The following ARSB variants were observed in gnomAD, a reference collection of about 807,000 sequenced individuals.
The protein encoded by ARSB is N-acetylgalactosamine-4-sulfatase.
In ARSB, 41 loss-of-function variants were observed where a neutral mutation model predicts 50.9. The observed-to-expected ratio is 0.81, with a 90% CI of 0.63 to 1.04. ARSB has a LOEUF of 1.04. Ranked by LOEUF, ARSB falls within the 50% of genes least tolerant of loss-of-function variation. ARSB has a pLI of 0.00. For missense variants in ARSB, 672 were observed against 693.3 expected, an observed-to-expected ratio of 0.97 and a Z score of 0.35; for synonymous variants, 269 against 284.8, an observed-to-expected ratio of 0.94 and a Z score of 0.56.
intron 6 of ARSB, among the ~76,000 whole-genome samples, chr5:78,838,646 A>C (rs1382001648): frequency 6.6e-6 from 1 of 152,216 alleles, no homozygotes; most frequent in Non-Finnish European, 1.5e-5. Context: ...GAGCATTATG[A>C]TGAAAGCTGG....
In ARSB at chr5:78,982,173, T is replaced by C. The variant is rs1329301597; in HGVS notation, c.312+2764A>G. Among the ~76,000 whole-genome samples the C allele has an allele frequency of 1.4e-5, 2 of 144,940 alleles. 1 individual carries two copies. Among genetic ancestry groups the C allele is most frequent in the Non-Finnish European group, 3.0e-5 (2 of 65,922 alleles). Reference sequence around the variant, plus strand: ...CTCCTGACCTCATGATCCACCCGCCTCGGCCTCCCAAAGTGCTGGGATTAC... The same window carrying C: ...CTCCTGACCTCATGATCCACCCGCCCCGGCCTCCCAAAGTGCTGGGATTAC... On this transcript the variant is annotated intron_variant, in intron 1 of 7. Transcript: ENST00000264914.
At chr5:78,913,101 T>C (rs1011544195) in intron 4 of ARSB, among the ~76,000 whole-genome samples, 18 of 148,534 alleles carry the variant, frequency 1.2e-4, no homozygotes, top group African/African-American at 4.4e-4. Context: ...ACCAGGCTTT[T>C]AAAATGTAGT....
upstream of ARSB, chr5:78,985,764 A>C (rs1306726996): frequency 6.6e-6 from 1 of 152,260 alleles, no homozygotes; most frequent in Non-Finnish European, 1.5e-5. Context: ...CATTTCTAGC[A>C]CAAGAGCCCA....
At position 78,839,378 on chromosome 5, in the gene ARSB, C is replaced by T. The variant is rs25413; in HGVS notation, c.1191G>A (p.Pro397=). ...CACACGGTGAAGAGTCCACGAAGTT[C>T]GGGTCAATATTATGCAGCAGCTCAA... ...PRIELLHNID[P]NFVDSSPCPR... Residue 397 remains proline, a synonymous_variant, in exon 6 of 8, where the codon CCG becomes CCA. Coordinates refer to ENST00000264914, the MANE Select transcript of ARSB (RefSeq NM_000046.5). The T allele has an allele frequency of 0.19, 309,432 of 1,612,794 alleles. 35,452 individuals carry two copies. The highest frequency in any genetic ancestry group is 0.51 in the African/African-American group (38,114 of 74,872).
At chr5:78,977,108 T>C (rs976666098) in intron 1 of ARSB, among the ~76,000 whole-genome samples, 3 of 152,184 alleles carry the variant, frequency 2.0e-5, no homozygotes, top group African/African-American at 7.2e-5. Context: ...TCCACATGTA[T>C]TGTCATGCTA....
At chr5:78,829,007 TCCA>T (rs2112690922) in intron 6 of ARSB, among the ~76,000 whole-genome samples, 1 of 152,302 alleles carries the variant, frequency 6.6e-6, no homozygotes, top group South Asian at 2.1e-4. Flanking sequence ...GACCCAACCT[TCCA>T]TTGCTGGCTT....
In ARSB at chr5:78,839,346, T is replaced by C; in HGVS notation, c.1213+10A>G. The C allele has an allele frequency of 6.2e-7, 1 of 1,611,960 alleles. No homozygotes were observed. Among genetic ancestry groups the C allele is most frequent in the Non-Finnish European group, 8.5e-7 (1 of 1,178,176 alleles). On this transcript the variant is annotated intron_variant, in intron 6 of 7. Coordinates refer to ENST00000264914, the MANE Select transcript of ARSB (RefSeq NM_000046.5). ...TAGATTTAATCTAGTAGCAATGCAC[T>C]GGTACTCACACGGTGAAGAGTCCAC...
chr5:78,918,181 A>T (rs1749644921), intron 4 of ARSB, among the ~76,000 whole-genome samples: 1 of 152,244 alleles, frequency 6.6e-6, no homozygotes, highest in South Asian at 2.1e-4. Context: ...TCTGCACATT[A>T]GGGATTTCTG....
intron 6 of ARSB, among the ~76,000 whole-genome samples, chr5:78,822,745 C>A (rs1013072714): frequency 1.3e-5 from 2 of 152,178 alleles, no homozygotes; most frequent in Non-Finnish European, 2.9e-5. Flanking sequence ...TCACGCCATT[C>A]TCCTGCCTCA....
At chr5:78,783,321 G>A (rs984122762) in intron 6 of ARSB, 1 of 152,034 alleles carries the variant, frequency 6.6e-6, no homozygotes, top group Non-Finnish European at 1.5e-5. Flanking sequence ...CCTCACCCAA[G>A]CAGGACTTCT....
chr5:78,786,614 T>A (rs1045227674), intron 6 of ARSB, among the ~76,000 whole-genome samples: 2 of 152,168 alleles, frequency 1.3e-5, no homozygotes, highest in Admixed American at 6.5e-5. Flanking sequence ...GTGTTCTGTA[T>A]TACATTCTCA....
intron 6 of ARSB, among the ~76,000 whole-genome samples, chr5:78,824,995 G>T (rs1744374332): frequency 2.6e-5 from 4 of 152,134 alleles, no homozygotes; most frequent in Admixed American, 1.3e-4. Flanking sequence ...ACAGCCTATG[G>T]GTAATAATAA....
chr5:78,940,848 G>A (rs912063396), intron 4 of ARSB, among the ~76,000 whole-genome samples: 21 of 152,222 alleles, frequency 1.4e-4, no homozygotes, highest in African/African-American at 4.8e-4. Context: ...GATGGGGATG[G>A]CATTGAATCT....
At chr5:78,819,845 G>A (rs1324299411) in intron 6 of ARSB, among the ~76,000 whole-genome samples, 2 of 152,238 alleles carry the variant, frequency 1.3e-5, no homozygotes, top group African/African-American at 4.8e-5. Context: ...GCACAGAAGG[G>A]CCAAGTCAGC....
At chr5:78,954,247 A>G (rs918461544) in intron 4 of ARSB, among the ~76,000 whole-genome samples, 1 of 152,170 alleles carries the variant, frequency 6.6e-6, no homozygotes, top group African/African-American at 2.4e-5. Context: ...TAACAAAAGG[A>G]TCTGCATTTT....
chr5:78,943,091 T>C lies in ARSB; in HGVS notation c.898+12204A>G, dbSNP rs560862510. Among the ~76,000 whole-genome samples the C allele has an allele frequency of 1.0e-3, 152 of 152,348 alleles. 1 individual carries two copies. Among genetic ancestry groups the C allele is most frequent in the Non-Finnish European group, 1.6e-3 (112 of 68,034 alleles). ...GTTTAAAGTCTGTTTTATCAGAGAC[T>C]AGGATTGCAATCCCTGCCTTTTTTT... On this transcript the variant is annotated intron_variant, in intron 4 of 7. Transcript: ENST00000264914.
rs544251389 is a variant in ARSB at position 78,782,347 on chromosome 5, A to G, written c.1214-373T>C. Among the ~76,000 whole-genome samples the G allele has an allele frequency of 6.6e-5, 10 of 152,304 alleles. No homozygotes were observed. The South Asian group carries it at 2.1e-3, about 32-fold the overall frequency. On this transcript the variant is annotated intron_variant, in intron 6 of 7. Coordinates refer to ENST00000264914, the MANE Select transcript of ARSB (RefSeq NM_000046.5). ...TTAAACACACTTTCTGTGTATACTT[A>G]TACCTATGTAAATAGTATAAGAAAT...
chr5:78,895,823 T>A (rs1748536450), intron 4 of ARSB, among the ~76,000 whole-genome samples: 1 of 152,200 alleles, frequency 6.6e-6, no homozygotes, highest in Non-Finnish European at 1.5e-5. Context: ...CTAATAGATT[T>A]AGCTTAAGCA....
intron 6 of ARSB, among the ~76,000 whole-genome samples, chr5:78,797,001 C>T (rs1396168463): frequency 6.6e-6 from 1 of 151,714 alleles, no homozygotes; most frequent in African/African-American, 2.4e-5. Flanking sequence ...CCTCAGCCTC[C>T]CAAGTAGCTG....
Sources: allele counts gnomAD v4.1 joint callset (sites outside exome capture counted in the v4.1 genomes callset), GRCh38; gene constraint gnomAD v4.1.1; transcripts MANE v1.5; gene names NCBI Gene and HGNC (gene_info 2026-07-23, HGNC 2026-07-21).